The following ESR1 variants were observed in gnomAD, a reference collection of about 807,000 sequenced individuals.
The protein encoded by ESR1 is estrogen receptor.
ESR1 carries 12 observed loss-of-function variants against 52.7 expected under a neutral mutation model. The observed-to-expected ratio is 0.23, with a 90% CI of 0.15 to 0.37. The LOEUF (loss-of-function observed/expected upper bound fraction) is 0.37, where lower values mean the gene tolerates loss of function less well. Ranked by LOEUF, ESR1 falls within the 10% of genes least tolerant of loss-of-function variation. ESR1 has a pLI of 1.00. For missense variants in ESR1, 584 were observed against 779.7 expected (o/e 0.75, Z 2.99); for synonymous variants, 305 against 316.8 (o/e 0.96, Z 0.39).
At chr6:152,056,903 C>G (rs535445519) in intron 5 of ESR1, among the ~76,000 whole-genome samples, 5 of 152,260 alleles carry the variant, frequency 3.3e-5, no homozygotes, top group African/African-American at 1.2e-4. Flanking sequence ...GCTTCTCAGC[C>G]TCAGGAGCAC....
chr6:152,067,806 G>T (rs2048080958), intron 6 of ESR1, among the ~76,000 whole-genome samples: 1 of 152,166 alleles, frequency 6.6e-6, no homozygotes, highest in Non-Finnish European at 1.5e-5. Context: ...CAGCCTGGGT[G>T]ATGAGAGCAA....
intron 4 of ESR1, among the ~76,000 whole-genome samples, chr6:151,998,671 G>A (rs1287131088): frequency 1.3e-5 from 2 of 152,120 alleles, no homozygotes; most frequent in East Asian, 1.9e-4. Context: ...CCCAGATAGA[G>A]ACTATATCAC....
intron 3 of ESR1, among the ~76,000 whole-genome samples, chr6:151,908,944 C>G (rs946318156): frequency 6.6e-6 from 1 of 151,582 alleles, no homozygotes; most frequent in African/African-American, 2.4e-5. Flanking sequence ...GATTCTGTAA[C>G]TGACATAGGG....
At chr6:152,042,171 G>T (rs1164778486) in intron 5 of ESR1, among the ~76,000 whole-genome samples, 1 of 152,082 alleles carries the variant, frequency 6.6e-6, no homozygotes, top group Non-Finnish European at 1.5e-5. Flanking sequence ...CTTCCATTTG[G>T]CCTTTCCCAC....
At chr6:151,720,353 C>G (rs184497701) in intron 2 of ESR1, among the ~76,000 whole-genome samples, 1 of 152,160 alleles carries the variant, frequency 6.6e-6, no homozygotes, top group Non-Finnish European at 1.5e-5. Flanking sequence ...ACTTTAATAT[C>G]CCTTTGCCTT....
In ESR1 at chr6:152,008,012, A is replaced by G. The variant is rs74416624; in HGVS notation, c.1097-3644A>G. ...GTCTTGAAACTTGATGTCTATCCAT[A>G]GTTGGCCCAATATAATTTTGCATGT... On this transcript the variant is annotated intron_variant, in intron 4 of 7. Transcript: ENST00000206249. Among the ~76,000 whole-genome samples, 94 of 152,244 alleles carry G rather than the reference A, an allele frequency of 6.2e-4. 2 individuals are homozygous for G. The East Asian group carries it at 0.015, about 25-fold the overall frequency.
At chr6:152,079,184 C>T (rs1205512040) in intron 6 of ESR1, among the ~76,000 whole-genome samples, 36 of 152,064 alleles carry the variant, frequency 2.4e-4, no homozygotes, top group Non-Finnish European at 5.1e-4. Context: ...CCACCTCAAG[C>T]AGGTCCCTGA....
At chr6:152,075,712 A>G (rs2048686074) in intron 6 of ESR1, among the ~76,000 whole-genome samples, 1 of 152,246 alleles carries the variant, frequency 6.6e-6, no homozygotes, top group Non-Finnish European at 1.5e-5. Flanking sequence ...ACTCTCATTT[A>G]TTAGTGACTA....
intron 4 of ESR1, among the ~76,000 whole-genome samples, chr6:151,951,885 C>T (rs1459631744): frequency 2.0e-5 from 3 of 152,218 alleles, no homozygotes; most frequent in South Asian, 2.1e-4. Flanking sequence ...ACCCTTGTTC[C>T]TCATTCAACA....
chr6:152,051,824 T>A (rs1035594145), intron 5 of ESR1, among the ~76,000 whole-genome samples: 20 of 152,228 alleles, frequency 1.3e-4, no homozygotes, highest in African/African-American at 4.3e-4. Context: ...TTCTTTTTTT[T>A]AAATTTTATG....
intron 2 of ESR1, among the ~76,000 whole-genome samples, chr6:151,879,155 C>T (rs1325528371): frequency 1.3e-5 from 2 of 152,124 alleles, no homozygotes; most frequent in African/African-American, 4.8e-5. Context: ...TACCGGGAGG[C>T]TGCAGCCTGA....
Position 151,917,381 on chromosome 6 carries a change from T to C in ESR1, c.761-26792T>C, listed in dbSNP as rs571999458. On this transcript the variant is annotated intron_variant, in intron 3 of 7. Transcript: ENST00000206249. ...GAAATGAAGCCAGGCAAGAAAAATA[T>C]GTATTCCCTTTCTTCTCAGCCCATA... is the stretch of plus-strand genomic sequence containing the variant. Among the ~76,000 whole-genome samples the C allele has an allele frequency of 2.0e-4, 30 of 152,318 alleles. 1 individual carries two copies. In the South Asian group the frequency reaches 6.2e-3, roughly 32 times the overall value.
chr6:151,703,676 C>G (rs779651371), intron 2 of ESR1, among the ~76,000 whole-genome samples: 1 of 152,136 alleles, frequency 6.6e-6, no homozygotes, highest in African/African-American at 2.4e-5. Flanking sequence ...AGAAACGAGT[C>G]TTCCATCTGG....
chr6:151,865,433 G>A (rs796835267), intron 2 of ESR1, among the ~76,000 whole-genome samples: 5 of 152,226 alleles, frequency 3.3e-5, no homozygotes, highest in South Asian at 2.1e-4. Context: ...AGTCATCAAC[G>A]GACATATCAA....
intron 1 of ESR1, among the ~76,000 whole-genome samples, chr6:151,668,689 A>G (rs897337475): frequency 3.9e-5 from 6 of 152,134 alleles, no homozygotes; most frequent in African/African-American, 9.7e-5. Flanking sequence ...ATACTATCGC[A>G]CTGGCAACTC....
At chr6:151,725,691 C>G (rs1254826798) in intron 2 of ESR1, among the ~76,000 whole-genome samples, 1 of 152,174 alleles carries the variant, frequency 6.6e-6, no homozygotes, top group Non-Finnish European at 1.5e-5. Flanking sequence ...CAAAACAAAT[C>G]ACATTTGTAA....
At chr6:151,899,098 C>A (rs1415363567) in intron 3 of ESR1, among the ~76,000 whole-genome samples, 32 of 143,470 alleles carry the variant, frequency 2.2e-4, no homozygotes, top group Admixed American at 2.1e-3. Context: ...ACCTCCCTCC[C>A]GGACGGGGCG....
Position 151,818,637 on chromosome 6 carries a change from A to C in ESR1, c.452+10273A>C, listed in dbSNP as rs531791411. Among the ~76,000 whole-genome samples, 18 of 152,244 alleles carry C rather than the reference A, an allele frequency of 1.2e-4. No homozygotes were observed. In the East Asian group the frequency reaches 2.7e-3, roughly 23 times the overall value. On this transcript the variant is annotated intron_variant, in intron 1 of 7. Transcript: ENST00000206249. ...GGACATCTTAAAAACACTGATGAGA[A>C]GTTTCCTCTCAGATGTCTGTCATGT...
intron 2 of ESR1, among the ~76,000 whole-genome samples, chr6:151,726,809 A>G (rs1296424501): frequency 6.6e-6 from 1 of 152,186 alleles, no homozygotes; most frequent in Non-Finnish European, 1.5e-5. Flanking sequence ...ATATATGAGT[A>G]GTGACATTTT....
Sources: allele counts gnomAD v4.1 joint callset (sites outside exome capture counted in the v4.1 genomes callset), GRCh38; gene constraint gnomAD v4.1.1; transcripts MANE v1.5; gene names NCBI Gene and HGNC (gene_info 2026-07-23, HGNC 2026-07-21).